The following PDE4D variants were observed in gnomAD, a reference collection of about 807,000 sequenced individuals.
PDE4D encodes the protein 3',5'-cyclic-AMP phosphodiesterase 4D.
Under a neutral mutation model 87.4 loss-of-function variants are expected in PDE4D, and 24 were observed. The observed-to-expected ratio is 0.27, with a 90% CI of 0.20 to 0.39. The LOEUF (loss-of-function observed/expected upper bound fraction) is 0.39, where lower values mean the gene tolerates loss of function less well. Among genes scored for constraint, PDE4D ranks in the 10% least tolerant of loss-of-function variants. The pLI, the probability that PDE4D is intolerant of heterozygous loss-of-function variation, is 1.00. For synonymous variants in PDE4D, 384 were observed against 383.2 expected, an observed-to-expected ratio of 1.00 and a Z score of -0.02; for missense variants, 714 against 1,041.0, an observed-to-expected ratio of 0.69 and a Z score of 4.32.
chr5:59,768,782 A>G lies in PDE4D; in HGVS notation c.455+124386T>C, dbSNP rs532102970. 4 of 663,954 alleles carry G rather than the reference A, an allele frequency of 6.0e-6. No homozygotes were observed. In the African/African-American group the frequency reaches 7.3e-5, roughly 12 times the overall value. 41.1% of individuals were successfully genotyped at this position (663,954 alleles called of 1,614,324 possible). On this transcript the variant is annotated intron_variant, in intron 1 of 14. Transcript: ENST00000340635. ...TAGCAAATGAACAAGGAGGGAAAGC[A>G]CCGCGCTCGCACGGCTTTGTCCGTG...
intron 1 of PDE4D, among the ~76,000 whole-genome samples, chr5:60,467,228 C>T (rs917656025): frequency 2.0e-5 from 3 of 151,788 alleles, no homozygotes; most frequent in African/African-American, 4.8e-5. Context: ...TTAGTAGAGA[C>T]GGGGTTTCAC....
intron 5 of PDE4D, among the ~76,000 whole-genome samples, chr5:59,093,585 G>T (rs548793202): frequency 6.6e-6 from 1 of 152,164 alleles, no homozygotes; most frequent in Non-Finnish European, 1.5e-5. Context: ...AGAACACACC[G>T]GCTTTGATTG....
At chr5:59,509,105 C>G (rs1809808750) in intron 1 of PDE4D, among the ~76,000 whole-genome samples, 1 of 151,888 alleles carries the variant, frequency 6.6e-6, no homozygotes, top group African/African-American at 2.4e-5. Context: ...TTTTGAAAAA[C>G]TCAACTTCTG....
At chr5:60,379,129 A>G (rs1311866635) in intron 1 of PDE4D, among the ~76,000 whole-genome samples, 1 of 151,138 alleles carries the variant, frequency 6.6e-6, no homozygotes, top group Admixed American at 6.6e-5. Flanking sequence ...AATGCTCCCT[A>G]TTGGCACTGA....
chr5:59,715,893 G>A (rs1054092858), intron 1 of PDE4D, among the ~76,000 whole-genome samples: 1 of 152,164 alleles, frequency 6.6e-6, no homozygotes, highest in African/African-American at 2.4e-5. Flanking sequence ...GTGGCCTCTG[G>A]GTCTGGGGTT....
chr5:59,104,740 AAAAG>A (rs1771315550), intron 5 of PDE4D, among the ~76,000 whole-genome samples: 1 of 152,114 alleles, frequency 6.6e-6, no homozygotes, highest in Non-Finnish European at 1.5e-5. Context: ...AGGAGAGAGG[AAAAG>A]AAAGAAAGGA....
chr5:60,030,406 C>A (rs533132328), intron 2 of PDE4D, among the ~76,000 whole-genome samples: 2 of 152,240 alleles, frequency 1.3e-5, no homozygotes, highest in African/African-American at 4.8e-5. Context: ...GCCGAGATTG[C>A]GCCACTGCAG....
intron 1 of PDE4D, among the ~76,000 whole-genome samples, chr5:60,500,962 T>C (rs1051434987): frequency 1.3e-5 from 2 of 152,096 alleles, no homozygotes; most frequent in Admixed American, 1.3e-4. Flanking sequence ...ACAGCCACTA[T>C]GATACCAGAG....
At chr5:59,939,063 C>G (rs1421011447) in intron 3 of PDE4D, among the ~76,000 whole-genome samples, 1 of 152,142 alleles carries the variant, frequency 6.6e-6, no homozygotes. Context: ...TTCTCTTCTG[C>G]TGGACTTTGA....
At chr5:60,038,116 C>T (rs1368175296) in intron 2 of PDE4D, among the ~76,000 whole-genome samples, 1 of 152,082 alleles carries the variant, frequency 6.6e-6, no homozygotes, top group Non-Finnish European at 1.5e-5. Flanking sequence ...TGTGCAGAAG[C>T]TCTTTAGTTT....
chr5:60,325,586 G>A (rs1326239948), intron 1 of PDE4D, among the ~76,000 whole-genome samples: 2 of 152,056 alleles, frequency 1.3e-5, no homozygotes, highest in Non-Finnish European at 2.9e-5. Context: ...AACTTTCCCT[G>A]ACTCTCTTGT....
intron 1 of PDE4D, among the ~76,000 whole-genome samples, chr5:60,217,743 G>T (rs1052694999): frequency 2.0e-5 from 3 of 151,784 alleles, no homozygotes; most frequent in Admixed American, 6.6e-5. Flanking sequence ...TAAAAAATTT[G>T]AATAGTATTT....
chr5:60,156,821 A>G (rs11742066), intron 2 of PDE4D, among the ~76,000 whole-genome samples: 22,423 of 151,992 alleles, frequency 0.15, 1,707 homozygotes, highest in South Asian at 0.22. Flanking sequence ...TTTTTTTCAT[A>G]TTAAAAAAGC....
At chr5:59,777,392 A>G (rs1026678170) in intron 1 of PDE4D, among the ~76,000 whole-genome samples, 1 of 152,198 alleles carries the variant, frequency 6.6e-6, no homozygotes, top group African/African-American at 2.4e-5. Flanking sequence ...GAGACTATGG[A>G]CAAACTAACA....
intron 1 of PDE4D, among the ~76,000 whole-genome samples, chr5:60,454,494 T>C (rs554796931): frequency 4.6e-5 from 7 of 152,286 alleles, no homozygotes; most frequent in African/African-American, 1.4e-4. Flanking sequence ...ATAATGTCCT[T>C]TGCAGGGACA....
At chr5:59,560,671 C>T (rs1472288421) in intron 1 of PDE4D, among the ~76,000 whole-genome samples, 2 of 152,124 alleles carry the variant, frequency 1.3e-5, no homozygotes, top group African/African-American at 4.8e-5. Flanking sequence ...AGGAGAATTG[C>T]CAAGGGAGAT....
intron 2 of PDE4D, among the ~76,000 whole-genome samples, chr5:60,125,680 G>C (rs1779071328): frequency 6.6e-6 from 1 of 152,170 alleles, no homozygotes. Context: ...CAGAATGTAA[G>C]CTCTGTGAGG....
chr5:58,981,831 A>G (rs1745238427), intron 11 of PDE4D, among the ~76,000 whole-genome samples: 1 of 152,192 alleles, frequency 6.6e-6, no homozygotes, highest in Admixed American at 6.5e-5. Context: ...CCTTAATTAC[A>G]GGGCATGGTT....
At chr5:59,164,999 C>T (rs1422534998) in intron 5 of PDE4D, 1 of 152,012 alleles carries the variant, frequency 6.6e-6, no homozygotes, top group Non-Finnish European at 1.5e-5. Context: ...TTTGTGCCTT[C>T]AGAGGAACTG....
Sources: gnomAD v4.1 joint callset for allele counts (sites outside exome capture counted in the v4.1 genomes callset) on GRCh38, gnomAD v4.1.1 for gene constraint, MANE v1.5 for transcripts, NCBI Gene and HGNC (gene_info 2026-07-23, HGNC 2026-07-21) for gene names.